ZBTB7C: variants seen among roughly 807,000 people sequenced by gnomAD.
ZBTB7C encodes the protein zinc finger and BTB domain-containing protein 7C.
ZBTB7C carries 8 observed loss-of-function variants against 25.7 expected under a neutral mutation model. That is an observed-to-expected ratio of 0.31 (90% CI 0.18 to 0.56). The LOEUF is 0.56. ZBTB7C is among the 20% of genes least tolerant of loss of function. The pLI is 0.91. For missense variants in ZBTB7C, 824 were observed against 855.2 expected, an observed-to-expected ratio of 0.96 and a Z score of 0.46; for synonymous variants, 394 against 369.0, an observed-to-expected ratio of 1.07 and a Z score of -0.78.
intron 2 of ZBTB7C, among the ~76,000 whole-genome samples, chr18:48,257,023 TA>T (rs1192371030): frequency 6.6e-6 from 1 of 151,966 alleles, no homozygotes; most frequent in Non-Finnish European, 1.5e-5. Context: ...ATAATCACAT[TA>T]AACATAAGTG....
chr18:48,089,880 G>A (rs1199308536), intron 3 of ZBTB7C, among the ~76,000 whole-genome samples: 1 of 152,240 alleles, frequency 6.6e-6, no homozygotes, highest in Non-Finnish European at 1.5e-5. Flanking sequence ...TGGTTTAAAA[G>A]CCCGCTGGGT....
chr18:48,276,870 C>T (rs1414182522), intron 2 of ZBTB7C, among the ~76,000 whole-genome samples: 1 of 102,300 alleles, frequency 9.8e-6, no homozygotes, highest in Non-Finnish European at 1.9e-5. Context: ...CCTGAGGAAT[C>T]GCCACACTGA....
intron 3 of ZBTB7C, among the ~76,000 whole-genome samples, chr18:48,143,313 C>A: frequency 6.6e-6 from 1 of 152,052 alleles, no homozygotes; most frequent in East Asian, 1.9e-4. Flanking sequence ...AGCAGGGTCA[C>A]CGGCACTTAC....
At chr18:48,384,385 C>T (rs900748351) in intron 1 of ZBTB7C, among the ~76,000 whole-genome samples, 3 of 152,218 alleles carry the variant, frequency 2.0e-5, no homozygotes, top group African/African-American at 4.8e-5. Flanking sequence ...ATTCAGAACA[C>T]GACTGGTGAA....
At chr18:48,180,161 C>T (rs2041874075) in intron 3 of ZBTB7C, among the ~76,000 whole-genome samples, 2 of 97,274 alleles carry the variant, frequency 2.1e-5, no homozygotes, top group Non-Finnish European at 4.1e-5. Context: ...CCCTCCCTCC[C>T]TCCCTTCCTT....
chr18:48,078,835 A>G (rs967537476), intron 3 of ZBTB7C, among the ~76,000 whole-genome samples: 3 of 152,208 alleles, frequency 2.0e-5, no homozygotes, highest in Admixed American at 1.3e-4. Flanking sequence ...TTTCACTAGC[A>G]TGATGTTTTC....
intron 2 of ZBTB7C, among the ~76,000 whole-genome samples, chr18:48,268,422 G>A (rs1314220903): frequency 6.6e-6 from 1 of 152,200 alleles, no homozygotes; most frequent in Non-Finnish European, 1.5e-5. Flanking sequence ...GGAGCAAAGT[G>A]AGGGGGCCAG....
At chr18:48,219,053 C>G (rs1436086761) in intron 2 of ZBTB7C, among the ~76,000 whole-genome samples, 1 of 152,166 alleles carries the variant, frequency 6.6e-6, no homozygotes, top group Non-Finnish European at 1.5e-5. Context: ...AACAGCAGCC[C>G]CCATCACAAG....
rs115958629 is a variant in ZBTB7C at position 48,182,673 on chromosome 18, T to A, written c.-17+3261A>T. 9.3e-3 allele frequency among the ~76,000 whole-genome samples: 1,409 copies of A among 152,236 alleles called. 27 individuals are homozygous for A. The highest frequency in any genetic ancestry group is 0.032 in the African/African-American group (1,336 of 41,524). ...AGAACCCATTCCATCTTGGACCAGA[T>A]CCTGTGTTGAGGAAGTACCTCCAAA... On this transcript the variant is annotated intron_variant, in intron 3 of 4. Coordinates refer to ENST00000590800, the MANE Select transcript of ZBTB7C (RefSeq NM_001318841.2).
intron 3 of ZBTB7C, among the ~76,000 whole-genome samples, chr18:48,146,269 T>C (rs1452759331): frequency 6.6e-6 from 1 of 152,208 alleles, no homozygotes; most frequent in Non-Finnish European, 1.5e-5. Context: ...TTTTATAATA[T>C]CTGACTAATA....
intron 2 of ZBTB7C, among the ~76,000 whole-genome samples, chr18:48,224,291 T>C (rs1246557408): frequency 1.3e-5 from 2 of 152,076 alleles, no homozygotes; most frequent in Non-Finnish European, 2.9e-5. Context: ...TCCATGAAGG[T>C]CCCAAATCTA....
At chr18:48,353,116 G>A (rs1040647940) in intron 1 of ZBTB7C, among the ~76,000 whole-genome samples, 4 of 152,142 alleles carry the variant, frequency 2.6e-5, no homozygotes, top group Non-Finnish European at 5.9e-5. Context: ...CCTGTATAGG[G>A]CTTTCCTATC....
At chr18:48,062,248 C>G (rs896700381) in intron 3 of ZBTB7C, among the ~76,000 whole-genome samples, 4 of 152,202 alleles carry the variant, frequency 2.6e-5, no homozygotes, top group Non-Finnish European at 5.9e-5. Flanking sequence ...GAGGGTTCAT[C>G]ATGTGATAGG....
chr18:48,387,793 G>A (rs1397045323), intron 1 of ZBTB7C, among the ~76,000 whole-genome samples: 1 of 151,826 alleles, frequency 6.6e-6, no homozygotes, highest in Non-Finnish European at 1.5e-5. Context: ...CCTCTATGCT[G>A]GTCTAGTTGG....
intron 1 of ZBTB7C, among the ~76,000 whole-genome samples, chr18:48,349,580 T>C (rs2046817533): frequency 6.6e-6 from 1 of 152,182 alleles, no homozygotes; most frequent in Admixed American, 6.5e-5. Context: ...CTTGGAGTGA[T>C]GCTGAAATGA....
chr18:48,098,009 G>A (rs545005070), intron 3 of ZBTB7C, among the ~76,000 whole-genome samples: 1 of 152,046 alleles, frequency 6.6e-6, no homozygotes, highest in East Asian at 1.9e-4. Flanking sequence ...CCATCACCTG[G>A]CAGTCACTAC....
At chr18:48,243,756 A>G (rs2043597934) in intron 2 of ZBTB7C, among the ~76,000 whole-genome samples, 1 of 152,226 alleles carries the variant, frequency 6.6e-6, no homozygotes, top group Non-Finnish European at 1.5e-5. Flanking sequence ...GAGGCATCAC[A>G]TTACCCAACT....
intron 1 of ZBTB7C, among the ~76,000 whole-genome samples, chr18:48,406,603 G>A (rs147816068): frequency 6.6e-6 from 1 of 152,238 alleles, no homozygotes; most frequent in East Asian, 1.9e-4. Flanking sequence ...TCTTCTGTAG[G>A]ACCCCTAAAC....
At chr18:48,063,545 A>G (rs2037205356) in intron 3 of ZBTB7C, among the ~76,000 whole-genome samples, 1 of 152,246 alleles carries the variant, frequency 6.6e-6, no homozygotes, top group Non-Finnish European at 1.5e-5. Flanking sequence ...AAACAGGGAG[A>G]AAAGGGAGGA....
Sources: gnomAD v4.1 joint callset for allele counts (sites outside exome capture counted in the v4.1 genomes callset) on GRCh38, gnomAD v4.1.1 for gene constraint, MANE v1.5 for transcripts, NCBI Gene and HGNC (gene_info 2026-07-23, HGNC 2026-07-21) for gene names.